Variants in SPRYD3 observed in about 807,000 individuals in gnomAD.
SPRYD3 encodes SPRY domain containing 3.
SPRYD3 carries 17 observed loss-of-function variants against 50.1 expected under a neutral mutation model. That is an observed-to-expected ratio of 0.34 (90% CI 0.23 to 0.51). The LOEUF is 0.51. SPRYD3 is among the 20% of genes least tolerant of loss of function. SPRYD3 has a pLI of 0.97. For missense variants in SPRYD3, 401 were observed against 591.2 expected (o/e 0.68, Z 3.34); for synonymous variants, 198 against 215.5 (o/e 0.92, Z 0.71).
chr12:53,066,850 C>T (rs192329344), intron 8 of SPRYD3, among the ~76,000 whole-genome samples, 158 bp from the exon 9 acceptor site: 3 of 152,258 alleles, frequency 2.0e-5, no homozygotes, highest in Non-Finnish European at 2.9e-5. Context: ...CGGTGGCTCA[C>T]GCCTGGAATC....
At chr12:53,076,988 G>T in intron 2 of SPRYD3, 127 bp downstream of exon 2, 1 of 862,238 alleles carries the variant, frequency 1.2e-6, no homozygotes, top group Non-Finnish European at 1.8e-6. Context: ...GGAGTCAAGA[G>T]CATCGCCCTT....
At chr12:53,068,026 A>C (rs1223138703) in intron 7 of SPRYD3, 129 bp downstream of exon 7, 1 of 1,051,332 alleles carries the variant, frequency 9.5e-7, no homozygotes, top group African/African-American at 1.6e-5. Flanking sequence ...ACTGTGTTCC[A>C]TCTCAGCTTA....
At chr12:53,067,587 G>T (rs1337180285) in intron 8 of SPRYD3, 61 bp downstream of exon 8, 3 of 1,522,408 alleles carry the variant, frequency 2.0e-6, no homozygotes, top group Non-Finnish European at 1.8e-6. Context: ...GGGGAAAGTG[G>T]ATGTCCCTAT....
intron 1 of SPRYD3, among the ~76,000 whole-genome samples, chr12:53,077,588 G>T (rs1944598560): frequency 6.6e-6 from 1 of 152,220 alleles, no homozygotes; most frequent in Non-Finnish European, 1.5e-5. Context: ...GAATCTGGAG[G>T]CAGTGGATAG....
chr12:53,075,932 A>G (rs1944584870), intron 2 of SPRYD3, 121 bp from the exon 3 acceptor site: 2 of 751,194 alleles, frequency 2.7e-6, no homozygotes, highest in Non-Finnish European at 4.7e-6. Flanking sequence ...ATCAGGCTGC[A>G]CTTCAGTACA....
intron 7 of SPRYD3, 127 bp from the exon 8 acceptor site, chr12:53,067,832 C>T (rs543633923): frequency 1.7e-5 from 15 of 877,462 alleles, no homozygotes; most frequent in South Asian, 1.7e-4. Context: ...CACACTCATA[C>T]CCTGCAGGCA....
At position 53,065,593 on chromosome 12, in the gene SPRYD3, T is replaced by G; in HGVS notation, c.*239A>C. 4.0e-6 allele frequency: 2 copies of G among 494,622 alleles called. No homozygotes were observed. Among genetic ancestry groups the G allele is most frequent in the Admixed American group, 3.3e-5 (1 of 30,394 alleles). The allele number at this position is 494,622 out of a possible 1,614,324, so 30.6% of individuals were successfully genotyped here. On this transcript the variant is annotated 3_prime_UTR_variant, in exon 11 of 11. Transcript: ENST00000301463. ...TGGGACCACCCACATACCAACACCA[T>G]TCTTTGGGTCCATTCCTGTCCAACC...
intron 7 of SPRYD3, among the ~76,000 whole-genome samples, chr12:53,067,930 C>G (rs1944521783): frequency 6.6e-6 from 1 of 152,148 alleles, no homozygotes; most frequent in Non-Finnish European, 1.5e-5. Flanking sequence ...CCCCCTCCCC[C>G]CAGGCCTTAG....
intron 6 of SPRYD3, among the ~76,000 whole-genome samples, chr12:53,070,083 C>T (rs1395699749): frequency 2.0e-5 from 3 of 152,182 alleles, no homozygotes; most frequent in African/African-American, 4.8e-5. Flanking sequence ...AAAGCCAGGA[C>T]GGACTACCCC....
At chr12:53,069,117 C>T (rs1022065818) in intron 6 of SPRYD3, among the ~76,000 whole-genome samples, 14 of 152,074 alleles carry the variant, frequency 9.2e-5, no homozygotes, top group South Asian at 2.1e-4. Flanking sequence ...CTGGGCACGA[C>T]GGGGCGGCAA....
chr12:53,077,019 C>G (rs1944593575), intron 2 of SPRYD3, 96 bp downstream of exon 2: 4 of 1,249,680 alleles, frequency 3.2e-6, no homozygotes, highest in Non-Finnish European at 4.5e-6. Flanking sequence ...TGCACAGTCC[C>G]CTTCTCTGAA....
chr12:53,073,172 C>T (rs1416362890), intron 6 of SPRYD3, 114 bp downstream of exon 6: 18 of 681,788 alleles, frequency 2.6e-5, no homozygotes, highest in South Asian at 2.6e-4. Context: ...AAACCCCACA[C>T]GGACACTGTC....
chr12:53,079,246 G>C, intron 1 of SPRYD3, 65 bp downstream of exon 1: 14 of 1,274,844 alleles, frequency 1.1e-5, no homozygotes, highest in Non-Finnish European at 1.5e-5. Context: ...CAGGACCCCC[G>C]CCTTCCGCTT....
chr12:53,079,325 C>G lies in SPRYD3; in HGVS notation c.9G>C (p.Arg3Ser), dbSNP rs569476611. 8 of 1,608,982 alleles carry G rather than the reference C, an allele frequency of 5.0e-6. No homozygotes were observed. In the African/African-American group the frequency reaches 9.4e-5, roughly 19 times the overall value. Residue 3 changes from arginine to serine, a missense_variant, in exon 1 of 11, where the codon AGG becomes AGC. By Grantham distance (110) the Arg-to-Ser change is moderately radical. Transcript: ENST00000301463. ...TCCCCGCCTACCGGGGCCGCCGCGT[C>G]CTCCTCATCCATAGGCCTCTCAGCT... MR[R>S]TRRPRFVLMN...
At chr12:53,069,924 G>C (rs887979898) in intron 6 of SPRYD3, among the ~76,000 whole-genome samples, 15 of 152,182 alleles carry the variant, frequency 9.9e-5, no homozygotes, top group African/African-American at 2.9e-4. Flanking sequence ...AGGAAACACA[G>C]TGTTCTCCAT....
chr12:53,075,631 A>C, intron 3 of SPRYD3, 105 bp downstream of exon 3: 1 of 921,534 alleles, frequency 1.1e-6, no homozygotes, highest in Non-Finnish European at 1.7e-6. Context: ...CCCTGATGGA[A>C]AATTAAAAGG....
chr12:53,072,530 C>T (rs1172284905), intron 6 of SPRYD3, among the ~76,000 whole-genome samples: 2 of 152,196 alleles, frequency 1.3e-5, no homozygotes, highest in Admixed American at 1.3e-4. Context: ...AGGTCAGGGC[C>T]AGATCCCGGA....
Position 53,074,620 on chromosome 12 carries a change from C to T in SPRYD3, c.507+29G>A, listed in dbSNP as rs773724443. The T allele has an allele frequency of 2.5e-6, 4 of 1,613,994 alleles. No individual in the cohort carries two copies. Among genetic ancestry groups the T allele is most frequent in the South Asian group, 1.1e-5 (1 of 91,048 alleles). The stretch of plus-strand genomic sequence containing the variant: ...CAAATCCTTGGGCAGATTTCAGCCA[C>T]GTAAATCCCACCACTATTTCCCACT... On this transcript the variant is annotated intron_variant, in intron 5 of 10. Transcript: ENST00000301463. This position sits in a 1 kb window ranked among gnomAD's most constrained non-coding sequence, Gnocchi z 4.6.
At position 53,075,175 on chromosome 12, in the gene SPRYD3, C is replaced by A. The variant is rs774327997; in HGVS notation, c.291G>T (p.Gly97=). The A allele has an allele frequency of 1.2e-6, 2 of 1,613,530 alleles. No individual in the cohort carries two copies. Among genetic ancestry groups the A allele is most frequent in the South Asian group, 2.2e-5 (2 of 91,072 alleles). The change falls in exon 4 of 11, where the codon GGG becomes GGT. Residue 97 remains glycine (G), a synonymous_variant. Coordinates refer to ENST00000301463, the MANE Select transcript of SPRYD3 (RefSeq NM_032840.3). ...CCAAGCTGTAGTACTGAGGGACCAG[C>A]CCCACAGCAATGGTGCCCCGGACTC... The part of the protein sequence containing the change: ...DSGVRGTIAV[G]LVPQYYSLDH...
Sources: gnomAD v4.1 joint callset for allele counts (sites outside exome capture counted in the v4.1 genomes callset) on GRCh38, gnomAD v4.1.1 for gene constraint, Gnocchi (gnomAD v3.1) non-coding constraint, MANE v1.5 for transcripts, NCBI Gene and HGNC (gene_info 2026-07-23, HGNC 2026-07-21) for gene names.